The following ESF1 variants were observed in gnomAD, a reference collection of about 807,000 sequenced individuals.
ESF1 encodes ESF1 nucleolar pre-rRNA processing protein, also known as ESF1 homolog.
In ESF1, 58 loss-of-function variants were observed where a neutral mutation model predicts 92.0. That is an observed-to-expected ratio of 0.63 (90% CI 0.51 to 0.78). The LOEUF (loss-of-function observed/expected upper bound fraction) is 0.78. ESF1 is among the 30% of genes least tolerant of loss of function. ESF1 has a pLI of 0.00. For missense variants in ESF1, 922 were observed against 989.1 expected (o/e 0.93, Z 0.91); for synonymous variants, 321 against 313.7 (o/e 1.02, Z -0.24).
intron 11 of ESF1, among the ~76,000 whole-genome samples, chr20:13,724,994 TG>T (rs2049891789): frequency 6.6e-6 from 1 of 152,216 alleles, no homozygotes; most frequent in Admixed American, 6.5e-5. Flanking sequence ...GTTTTGTATC[TG>T]GCCTGGCCTT....
intron 9 of ESF1, among the ~76,000 whole-genome samples, chr20:13,741,603 CAAGAT>C (rs1323066365): frequency 6.6e-6 from 1 of 151,882 alleles, no homozygotes; most frequent in African/African-American, 2.4e-5. Context: ...CTATATGGCA[CAAGAT>C]AAAATCAGGT....
chr20:13,717,599 T>C, intron 12 of ESF1, 85 bp from the exon 13 acceptor site: 2 of 1,461,292 alleles, frequency 1.4e-6, no homozygotes, highest in Non-Finnish European at 1.9e-6. Flanking sequence ...AAGATATCTC[T>C]TCTAGAAAGG....
chr20:13,730,906 CA>C (rs1368037272), intron 10 of ESF1, among the ~76,000 whole-genome samples: 2 of 151,070 alleles, frequency 1.3e-5, no homozygotes, highest in African/African-American at 4.9e-5. Context: ...AAATTGAAAC[CA>C]CTGAGGAACA....
intron 9 of ESF1, among the ~76,000 whole-genome samples, chr20:13,749,248 T>A: frequency 7.3e-6 from 1 of 137,070 alleles, no homozygotes; most frequent in Non-Finnish European, 1.5e-5. Flanking sequence ...TTTTTTTTTT[T>A]TTTTTTTTTT....
intron 10 of ESF1, among the ~76,000 whole-genome samples, chr20:13,733,484 A>G (rs184106248): frequency 6.6e-6 from 1 of 152,354 alleles, no homozygotes; most frequent in East Asian, 1.9e-4. Flanking sequence ...TAAATGTAAA[A>G]TGTCAGAATG....
At chr20:13,768,889 T>TC (rs1463823641) in intron 7 of ESF1, among the ~76,000 whole-genome samples, 1 of 123,616 alleles carries the variant, frequency 8.1e-6, no homozygotes, top group Non-Finnish European at 1.6e-5. Flanking sequence ...AGAGCAAGAC[T>TC]CTAGTCTCAA....
chr20:13,771,506 A>G, intron 5 of ESF1, 23 bp from the exon 6 acceptor site: 2 of 1,594,898 alleles, frequency 1.3e-6, no homozygotes, highest in Non-Finnish European at 1.7e-6. Context: ...AAACTTATTA[A>G]GCATACTTAT....
intron 9 of ESF1, among the ~76,000 whole-genome samples, chr20:13,755,263 T>C (rs918936469): frequency 6.6e-6 from 1 of 152,184 alleles, no homozygotes; most frequent in Non-Finnish European, 1.5e-5. Context: ...AGGCCAGAGA[T>C]AGCTAAGAAA....
At chr20:13,761,553 A>T (rs1979203469) in intron 8 of ESF1, among the ~76,000 whole-genome samples, 1 of 152,158 alleles carries the variant, frequency 6.6e-6, no homozygotes, top group Admixed American at 6.5e-5. Flanking sequence ...ATTCAGCCTG[A>T]AGAGAAGAGA....
At chr20:13,748,473 TATACAC>T (rs1978392198) in intron 9 of ESF1, among the ~76,000 whole-genome samples, 4 of 144,610 alleles carry the variant, frequency 2.8e-5, no homozygotes, top group Non-Finnish European at 6.0e-5. Context: ...TATACACATA[TATACAC>T]ATATACACAT....
At position 13,731,239 on chromosome 20, in the gene ESF1, T is replaced by C. The variant is rs1291795408; in HGVS notation, c.1950+2482A>G. Among the ~76,000 whole-genome samples, 14 of 152,156 alleles carry C rather than the reference T, an allele frequency of 9.2e-5. 1 individual carries two copies. Among genetic ancestry groups the C allele is most frequent in the Non-Finnish European group, 2.1e-4 (14 of 68,028 alleles). ...ACTTGAGACATCTCCAATAAACTGA[T>C]AGCTTAACACTTGTGGAGTTATTTC... On this transcript the variant is annotated intron_variant, in intron 10 of 13. Coordinates refer to ENST00000617257, the MANE Select transcript of ESF1 (RefSeq NM_001276380.2).
At position 13,782,508 on chromosome 20, in the gene ESF1, T is replaced by C. The variant is rs1407012441; in HGVS notation, c.633A>G (p.Gln211=). Reference sequence around the variant, plus strand: ...CTCTAATTTTTTCCAACCTACCTGATTGCATTTCTCTTCTTGTCTTAGAAC... The same window carrying C: ...CTCTAATTTTTTCCAACCTACCTGACTGCATTTCTCTTCTTGTCTTAGAAC... ...IECSKTRREM[Q]SVVQLIMTRD... The change falls in exon 2 of 14, where the codon CAA becomes CAG. Residue 211 remains glutamine, a synonymous_variant. Transcript: ENST00000617257. The C allele has an allele frequency of 8.6e-6, 13 of 1,505,826 alleles. 1 individual carries two copies. The highest frequency in any genetic ancestry group is 2.8e-5 in the South Asian group (2 of 70,592). The allele number at this position is 1,505,826 out of a possible 1,614,324, so 93.3% of individuals were successfully genotyped here.
chr20:13,772,676 C>T (rs1408636365), intron 4 of ESF1, 61 bp from the exon 5 acceptor site: 27 of 1,225,542 alleles, frequency 2.2e-5, no homozygotes, highest in Non-Finnish European at 3.2e-5. Context: ...ATATCTAGAC[C>T]TGTCGAAGTC....
intron 11 of ESF1, among the ~76,000 whole-genome samples, chr20:13,721,363 C>T (rs917448675): frequency 6.6e-6 from 1 of 152,138 alleles, no homozygotes; most frequent in Non-Finnish European, 1.5e-5. Flanking sequence ...AGGTTAAAAT[C>T]GTCTCTCATG....
intron 11 of ESF1, among the ~76,000 whole-genome samples, chr20:13,724,412 C>A (rs749826850): frequency 2.6e-5 from 4 of 152,364 alleles, no homozygotes; most frequent in Middle Eastern, 3.4e-3. Context: ...GGAAGGCACA[C>A]AAAAAACTTC....
At chr20:13,729,513 A>G (rs1378290536) in intron 10 of ESF1, among the ~76,000 whole-genome samples, 4 of 152,250 alleles carry the variant, frequency 2.6e-5, no homozygotes, top group Non-Finnish European at 4.4e-5. Flanking sequence ...GAATACTTTT[A>G]GATGGGTGAT....
intron 9 of ESF1, among the ~76,000 whole-genome samples, chr20:13,736,674 T>C (rs1478784114): frequency 1.3e-5 from 2 of 152,208 alleles, no homozygotes; most frequent in African/African-American, 4.8e-5. Flanking sequence ...GAATCAAAAC[T>C]TTAGGATCGA....
At chr20:13,751,418 TAA>T (rs1405745359) in intron 9 of ESF1, among the ~76,000 whole-genome samples, 1 of 151,844 alleles carries the variant, frequency 6.6e-6, no homozygotes, top group African/African-American at 2.4e-5. Context: ...GGCATAGTTA[TAA>T]AAAGAAAAAA....
At chr20:13,764,296 G>A (rs1370149878) in intron 8 of ESF1, among the ~76,000 whole-genome samples, 8 of 152,180 alleles carry the variant, frequency 5.3e-5, no homozygotes, top group Non-Finnish European at 1.2e-4. Context: ...AGATGTGAAG[G>A]TATTAGGCAG....
Sources: allele counts gnomAD v4.1 joint callset (sites outside exome capture counted in the v4.1 genomes callset), GRCh38; gene constraint gnomAD v4.1.1; transcripts MANE v1.5; gene names NCBI Gene and HGNC (gene_info 2026-07-23, HGNC 2026-07-21).